Variants in TG observed in about 807,000 individuals in gnomAD.
TG encodes thyroid hormones.
A neutral mutation model predicts 324.7 loss-of-function variants in TG; 270 were observed. That is an observed-to-expected ratio of 0.83 (90% CI 0.75 to 0.92). TG has a LOEUF of 0.92. Ranked by LOEUF, TG falls within the 40% of genes least tolerant of loss-of-function variation. The probability of loss-of-function intolerance (pLI) is 0.00; values close to 1 mark genes in which losing one functional copy is unlikely to be tolerated. For synonymous variants in TG, 1,401 were observed against 1,327.0 expected (o/e 1.06, Z -1.21); for missense variants, 3,591 against 3,456.4 (o/e 1.04, Z -0.98).
intron 28 of TG, among the ~76,000 whole-genome samples, chr8:132,962,590 G>T (rs1000430546): frequency 1.3e-5 from 2 of 152,188 alleles, no homozygotes; most frequent in African/African-American, 4.8e-5. Context: ...TAGTTAAATT[G>T]TTAAAATTTC....
At chr8:133,127,896 C>A (rs1373085280) in intron 45 of TG, among the ~76,000 whole-genome samples, 1 of 152,152 alleles carries the variant, frequency 6.6e-6, no homozygotes, top group Non-Finnish European at 1.5e-5. Flanking sequence ...TGCTGAGTCG[C>A]TACCCACATG....
At chr8:132,953,752 G>T (rs1265067643) in intron 27 of TG, among the ~76,000 whole-genome samples, 3 of 152,104 alleles carry the variant, frequency 2.0e-5, no homozygotes, top group African/African-American at 7.2e-5. Flanking sequence ...TTGGTAACTG[G>T]GTTGACATGT....
At chr8:133,023,744 T>A (rs1283006851) in intron 40 of TG, among the ~76,000 whole-genome samples, 1 of 152,184 alleles carries the variant, frequency 6.6e-6, no homozygotes, top group Non-Finnish European at 1.5e-5. Context: ...TTAGAGCATT[T>A]CTAGACAGAA....
At chr8:133,119,380 G>A (rs1409546782) in intron 45 of TG, among the ~76,000 whole-genome samples, 1 of 152,176 alleles carries the variant, frequency 6.6e-6, no homozygotes, top group African/African-American at 2.4e-5. Context: ...TATTCAGCCT[G>A]CCATAGTAAA....
At chr8:132,925,180 C>T (rs948513954) in intron 22 of TG, among the ~76,000 whole-genome samples, 4 of 152,174 alleles carry the variant, frequency 2.6e-5, no homozygotes, top group Non-Finnish European at 2.9e-5. Context: ...AATATTTTAG[C>T]TGAGGAAACT....
intron 40 of TG, among the ~76,000 whole-genome samples, chr8:133,024,729 A>G (rs1454216456): frequency 6.6e-6 from 1 of 151,570 alleles, no homozygotes; most frequent in Non-Finnish European, 1.5e-5. Flanking sequence ...GTCCCTGCAA[A>G]GGACACGATC....
chr8:132,872,916 G>T, intron 4 of TG, 146 bp from the exon 5 acceptor site: 1 of 877,954 alleles, frequency 1.1e-6, no homozygotes. Context: ...TACACTCTAT[G>T]ATGTTCACAC....
chr8:132,899,522 A>T (rs1201147811), intron 14 of TG, among the ~76,000 whole-genome samples: 1 of 152,216 alleles, frequency 6.6e-6, no homozygotes, highest in Non-Finnish European at 1.5e-5. Context: ...AAGCAGATGA[A>T]ACAGCAGTGT....
intron 41 of TG, among the ~76,000 whole-genome samples, chr8:133,055,365 G>GCACA (rs869172140): frequency 7.7e-4 from 48 of 62,264 alleles, no homozygotes; most frequent in East Asian, 2.8e-3. Context: ...ACGCACGCGC[G>GCACA]CACACACACA....
At chr8:133,007,530 T>C (rs1834129427) in intron 35 of TG, among the ~76,000 whole-genome samples, 1 of 152,144 alleles carries the variant, frequency 6.6e-6, no homozygotes, top group African/African-American at 2.4e-5. Flanking sequence ...GGTAGGTTTT[T>C]AGTATTAGCT....
At chr8:132,979,056 C>G (rs1830511342) in intron 34 of TG, among the ~76,000 whole-genome samples, 1 of 152,160 alleles carries the variant, frequency 6.6e-6, no homozygotes, top group Admixed American at 6.5e-5. Context: ...GCAAATGAGA[C>G]TGTTTGCAGC....
chr8:132,877,626 G>A (rs1295201822), intron 5 of TG, among the ~76,000 whole-genome samples: 1 of 152,184 alleles, frequency 6.6e-6, no homozygotes, highest in Non-Finnish European at 1.5e-5. Context: ...CCAGAATTTC[G>A]CATTCCTCTG....
intron 35 of TG, among the ~76,000 whole-genome samples, chr8:133,010,223 C>G (rs1057331473): frequency 6.6e-6 from 1 of 152,178 alleles, no homozygotes; most frequent in Non-Finnish European, 1.5e-5. Context: ...TGTCATATAA[C>G]TTCTCTGAGT....
rs528863879 is a variant in TG, at chr8:132,900,967, C to G, written c.3434-386C>G. ...TGCAATATGTCCGTCTATCCCCTCC[C>G]CACCTGACAAATTCTTGCTCAGACC... On this transcript the variant is annotated intron_variant, in intron 15 of 47. Transcript: ENST00000220616. Among the ~76,000 whole-genome samples the G allele has an allele frequency of 2.4e-4, 36 of 152,336 alleles. No homozygotes were observed. In the South Asian group the frequency reaches 6.8e-3, roughly 29 times the overall value.
At chr8:132,954,617 C>T (rs1826584173) in intron 27 of TG, among the ~76,000 whole-genome samples, 1 of 152,178 alleles carries the variant, frequency 6.6e-6, no homozygotes, top group Admixed American at 6.5e-5. Context: ...CAGCTCCCAA[C>T]CCTTCCATCC....
rs376439881 is a variant in TG, at chr8:132,893,839, G to A, written c.2911G>A (p.Gly971Ser). ...AATCCGGCTGAGGAATGAGGACCTC[G>A]GCCTTCCTCCGCTCTTCCCGCCCCG... ...KGIRLRNEDL[G>S]LPPLFPPREA... Residue 971 changes from glycine (G) to serine (S), a missense_variant, in exon 11 of 48, where the codon GGC becomes AGC. By Grantham distance (56) the Gly-to-Ser change is moderately conservative. Transcript: ENST00000220616. 5.6e-6 allele frequency: 9 copies of A among 1,613,878 alleles called. No individual in the cohort carries two copies. The African/African-American group carries it at 6.7e-5, about 12-fold the overall frequency.
chr8:133,064,551 G>T (rs879402910), intron 41 of TG, among the ~76,000 whole-genome samples: 1 of 152,216 alleles, frequency 6.6e-6, no homozygotes, highest in Non-Finnish European at 1.5e-5. Context: ...TACACTTTTT[G>T]TTCAGGACCA....
intron 26 of TG, among the ~76,000 whole-genome samples, chr8:132,944,389 G>A (rs184353515): frequency 1.8e-4 from 28 of 152,238 alleles, no homozygotes; most frequent in African/African-American, 6.7e-4. Flanking sequence ...GGCTCTCCTT[G>A]TGATTTCCTC....
At chr8:133,104,265 C>A (rs559451620) in intron 43 of TG, among the ~76,000 whole-genome samples, 56 of 152,282 alleles carry the variant, frequency 3.7e-4, no homozygotes, top group Admixed American at 2.2e-3. Context: ...TGACTTTATT[C>A]TCCTTGCAGT....
Sources: gnomAD v4.1 joint callset for allele counts (sites outside exome capture counted in the v4.1 genomes callset) on GRCh38, gnomAD v4.1.1 for gene constraint, MANE v1.5 for transcripts, NCBI Gene and HGNC (gene_info 2026-07-23, HGNC 2026-07-21) for gene names.